The following CTIF variants were observed in gnomAD, a reference collection of about 807,000 sequenced individuals.
CTIF encodes the protein cap binding complex dependent translation initiation factor, also known as CBP80/20-dependent translation initiation factor.
CTIF carries 21 observed loss-of-function variants against 66.0 expected under a neutral mutation model. That is an observed-to-expected ratio of 0.32 (90% CI 0.23 to 0.46). The LOEUF is 0.46. Ranked by LOEUF, CTIF falls within the 20% of genes least tolerant of loss-of-function variation. The probability of loss-of-function intolerance (pLI) is 1.00; values close to 1 mark genes in which losing one functional copy is unlikely to be tolerated. For synonymous variants in CTIF, 345 were observed against 326.4 expected, an observed-to-expected ratio of 1.06 and a Z score of -0.62; for missense variants, 739 against 812.7, an observed-to-expected ratio of 0.91 and a Z score of 1.10.
At chr18:48,602,709 T>C (rs192824643) in intron 1 of CTIF, among the ~76,000 whole-genome samples, 6 of 151,456 alleles carry the variant, frequency 4.0e-5, no homozygotes, top group African/African-American at 1.5e-4. Context: ...AACTGTGTGA[T>C]CGCTTCTCTG....
chr18:48,808,495 A>C (rs2068195606), intron 9 of CTIF, among the ~76,000 whole-genome samples: 1 of 144,590 alleles, frequency 6.9e-6, no homozygotes, highest in Non-Finnish European at 1.5e-5. Context: ...ATACTCTTTC[A>C]TTCTCTTCAA....
At chr18:48,544,975 G>A (rs1171592546) in intron 1 of CTIF, among the ~76,000 whole-genome samples, 4 of 152,170 alleles carry the variant, frequency 2.6e-5, no homozygotes, top group Non-Finnish European at 5.9e-5. Flanking sequence ...GAAGCCCAAG[G>A]CCCTTACAGC....
chr18:48,595,221 TA>T (rs1300452453), intron 1 of CTIF, among the ~76,000 whole-genome samples: 2 of 152,112 alleles, frequency 1.3e-5, no homozygotes, highest in African/African-American at 4.8e-5. Flanking sequence ...TCTAGGATTT[TA>T]AAGGTGGCAG....
chr18:48,817,492 C>T (rs1376985723), intron 10 of CTIF, 116 bp downstream of exon 10: 39 of 1,304,262 alleles, frequency 3.0e-5, no homozygotes, highest in Admixed American at 1.4e-4. Flanking sequence ...GGGACCCATC[C>T]GGGCCAGGCA....
chr18:48,766,262 T>C (rs1909528236), intron 9 of CTIF, among the ~76,000 whole-genome samples: 1 of 152,068 alleles, frequency 6.6e-6, no homozygotes, highest in African/African-American at 2.4e-5. Context: ...CTTGAGATTC[T>C]GCGTTTCAAA....
intron 1 of CTIF, among the ~76,000 whole-genome samples, chr18:48,542,454 TTAAC>T (rs1253049806): frequency 6.6e-6 from 1 of 152,236 alleles, no homozygotes; most frequent in Non-Finnish European, 1.5e-5. Flanking sequence ...AATCAATTAA[TTAAC>T]CATTCACTCA....
chr18:48,621,636 G>A (rs1463267916), intron 2 of CTIF: 4 of 330,140 alleles, frequency 1.2e-5, no homozygotes, highest in African/African-American at 4.6e-5. Context: ...GCCACTGCCA[G>A]GCCAGGTAAG....
At chr18:48,568,651 A>G (rs1165384345) in intron 1 of CTIF, among the ~76,000 whole-genome samples, 2 of 144,892 alleles carry the variant, frequency 1.4e-5, no homozygotes, top group Non-Finnish European at 1.5e-5. Context: ...AAAAAAAAAA[A>G]AAAAAAAAAA....
At chr18:48,701,522 T>G (rs1209712722) in intron 6 of CTIF, among the ~76,000 whole-genome samples, 1 of 71,226 alleles carries the variant, frequency 1.4e-5, no homozygotes, top group Non-Finnish European at 2.7e-5. Context: ...CATCCTCCAG[T>G]GCCTCCGTCC....
chr18:48,547,742 T>G (rs2088785573), intron 1 of CTIF, among the ~76,000 whole-genome samples: 1 of 152,196 alleles, frequency 6.6e-6, no homozygotes, highest in African/African-American at 2.4e-5. Flanking sequence ...TCTGTGAGAA[T>G]CCAGCCAACT....
rs1166631919 is a variant in CTIF, at chr18:48,761,165, A to G, written c.1072-225A>G. The G allele has an allele frequency of 1.4e-5, 7 of 507,678 alleles. No individual in the cohort carries two copies. Among genetic ancestry groups the G allele is most frequent in the African/African-American group, 3.8e-5 (2 of 52,536 alleles). The allele number at this position is 507,678 out of a possible 1,614,324, so 31.4% of individuals were successfully genotyped here. A position where few individuals can be genotyped will look rare whatever the true frequency, so the allele number is the denominator to read the frequency against. On this transcript the variant is annotated intron_variant, in intron 8 of 11. Transcript: ENST00000256413. This position sits in a 1 kb window ranked among gnomAD's most constrained non-coding sequence, Gnocchi z 4.2. ...CCTGGGTAGGAGCTAGAACCCAAAA[A>G]CAGTATCAGCCCTGGATGTCATAGG...
At chr18:48,580,972 T>C (rs1308211856) in intron 1 of CTIF, among the ~76,000 whole-genome samples, 1 of 152,246 alleles carries the variant, frequency 6.6e-6, no homozygotes, top group Non-Finnish European at 1.5e-5. Flanking sequence ...TTCGCATGTA[T>C]TGCTTTCCAG....
At chr18:48,564,805 T>TG (rs5824759) in intron 1 of CTIF, 93,649 of 151,642 alleles carry the variant, frequency 0.62, 30,592 homozygotes, top group East Asian at 0.93. Flanking sequence ...TTTGTAGAGA[T>TG]GGGGGGTCTC....
intron 3 of CTIF, among the ~76,000 whole-genome samples, chr18:48,660,309 G>A (rs943141950): frequency 2.6e-5 from 4 of 151,852 alleles, no homozygotes; most frequent in Non-Finnish European, 4.4e-5. Context: ...GGTTGCCACC[G>A]TGACTCCACC....
chr18:48,662,794 A>G (rs1470436246), intron 3 of CTIF, among the ~76,000 whole-genome samples: 1 of 151,840 alleles, frequency 6.6e-6, no homozygotes, highest in Admixed American at 6.6e-5. Flanking sequence ...TGTTCCCTGT[A>G]TGCTTGTGAT....
intron 10 of CTIF, among the ~76,000 whole-genome samples, chr18:48,829,874 G>C (rs1462839915): frequency 6.6e-6 from 1 of 152,254 alleles, no homozygotes; most frequent in Non-Finnish European, 1.5e-5. Flanking sequence ...CTTGCCTTCA[G>C]ATGTGAATGA....
At chr18:48,586,905 C>A (rs1310752192) in intron 1 of CTIF, among the ~76,000 whole-genome samples, 7 of 150,828 alleles carry the variant, frequency 4.6e-5, no homozygotes, top group Non-Finnish European at 1.0e-4. Flanking sequence ...CTGCTTCTTC[C>A]CTGTCTCATA....
rs562374896 is a variant in CTIF at position 48,680,615 on chromosome 18, G to T, written c.507+9871G>T. Among the ~76,000 whole-genome samples, 4 of 152,386 alleles carry T rather than the reference G, an allele frequency of 2.6e-5. No individual in the cohort carries two copies. The South Asian group carries it at 8.3e-4, about 32-fold the overall frequency. On this transcript the variant is annotated intron_variant, in intron 6 of 11. Coordinates refer to ENST00000256413, the MANE Select transcript of CTIF (RefSeq NM_014772.3). The stretch of plus-strand genomic sequence containing the variant: ...GATGAATGGGGCCACACAGCCCGCA[G>T]CCTTGCCGTCCCTGTCCTTCAGCAG...
chr18:48,552,291 A>C (rs562048510), intron 1 of CTIF, among the ~76,000 whole-genome samples: 2 of 152,388 alleles, frequency 1.3e-5, no homozygotes, highest in African/African-American at 4.8e-5. Flanking sequence ...CAGGCTTGCC[A>C]GTGAGAAGAC....
Sources: gnomAD v4.1 joint callset for allele counts (sites outside exome capture counted in the v4.1 genomes callset) on GRCh38, gnomAD v4.1.1 for gene constraint, Gnocchi (gnomAD v3.1) non-coding constraint, MANE v1.5 for transcripts, NCBI Gene and HGNC (gene_info 2026-07-23, HGNC 2026-07-21) for gene names.